Variants in SLC25A48 observed in about 807,000 individuals in gnomAD.
SLC25A48 encodes the protein CTC-321K16.1.
A neutral mutation model predicts 32.2 loss-of-function variants in SLC25A48; 29 were observed. That is an observed-to-expected ratio of 0.90 (90% CI 0.67 to 1.23). The LOEUF (loss-of-function observed/expected upper bound fraction) is 1.23, where lower values mean the gene tolerates loss of function less well. Ranked by LOEUF, SLC25A48 falls within the 50% of genes most tolerant of loss-of-function variation. The pLI, the probability that SLC25A48 is intolerant of heterozygous loss-of-function variation, is 0.00. For synonymous variants in SLC25A48, 164 were observed against 172.3 expected, an observed-to-expected ratio of 0.95 and a Z score of 0.38; for missense variants, 399 against 422.7, an observed-to-expected ratio of 0.94 and a Z score of 0.49.
intron 1 of SLC25A48, among the ~76,000 whole-genome samples, chr5:135,604,936 G>A (rs1362290938): frequency 1.3e-5 from 2 of 152,172 alleles, no homozygotes; most frequent in East Asian, 1.9e-4. Context: ...CATCTCATAG[G>A]CCTGTGGGGA....
chr5:135,734,708 T>C (rs1354182306), intron 3 of SLC25A48, among the ~76,000 whole-genome samples: 1 of 151,334 alleles, frequency 6.6e-6, no homozygotes, highest in East Asian at 1.9e-4. Flanking sequence ...TCCCAGCTAC[T>C]CAGGAGGCTG....
intron 5 of SLC25A48, chr5:135,872,155 G>A (rs1489249739): frequency 2.2e-5 from 8 of 362,292 alleles, no homozygotes; most frequent in Non-Finnish European, 3.3e-5. Flanking sequence ...TACAGCTGGA[G>A]CTGACAGTAT....
chr5:135,715,382 A>G (rs1754771307), intron 3 of SLC25A48, among the ~76,000 whole-genome samples: 1 of 152,190 alleles, frequency 6.6e-6, no homozygotes, highest in Non-Finnish European at 1.5e-5. Flanking sequence ...CCCCAGTCCT[A>G]GTCAGGGTGG....
chr5:135,619,494 A>T (rs1055443665), intron 1 of SLC25A48, among the ~76,000 whole-genome samples: 1 of 151,908 alleles, frequency 6.6e-6, no homozygotes, highest in African/African-American at 2.4e-5. Context: ...TTTCTTTTTG[A>T]TTGGAATCTG....
intron 1 of SLC25A48, among the ~76,000 whole-genome samples, chr5:135,589,394 C>T (rs1052015742): frequency 6.6e-6 from 1 of 152,216 alleles, no homozygotes; most frequent in Non-Finnish European, 1.5e-5. Flanking sequence ...CACAGTCTGC[C>T]TGGTCCCTGA....
Position 135,728,988 on chromosome 5 carries a change from GTTCAGAGCTCTGTGTCC to G in SLC25A48, c.-520-83533_-520-83517del, listed in dbSNP as rs1271235643. Among the ~76,000 whole-genome samples, 4 of 151,964 alleles carry G rather than the reference GTTCAGAGCTCTGTGTCC, an allele frequency of 2.6e-5. No individual in the cohort carries two copies. In the East Asian group the frequency reaches 7.7e-4, roughly 29 times the overall value. On this transcript the variant is annotated intron_variant, in intron 3 of 10. Coordinates refer to the SLC25A48 transcript ENST00000646290. ...CATCTTCTTTGAGGCTCTTCCTGTA[GTTCAGAGCTCTGTGTCC>G]TACTGCTAACCCCAGATGCAAAACA...
intron 1 of SLC25A48, among the ~76,000 whole-genome samples, chr5:135,839,381 A>C (rs187114650): frequency 2.8e-4 from 43 of 152,248 alleles, no homozygotes; most frequent in African/African-American, 1.0e-3. Context: ...TGGATTTCAG[A>C]CTTGCATGGA....
At chr5:135,664,566 GT>G in intron 3 of SLC25A48, among the ~76,000 whole-genome samples, 1 of 152,144 alleles carries the variant, frequency 6.6e-6, no homozygotes, top group Non-Finnish European at 1.5e-5. Context: ...CCAATATACA[GT>G]TTTTTATTCC....
intron 3 of SLC25A48, among the ~76,000 whole-genome samples, chr5:135,739,815 A>G (rs1172533340): frequency 6.6e-6 from 1 of 152,110 alleles, no homozygotes; most frequent in Non-Finnish European, 1.5e-5. Flanking sequence ...ATAAAGAAAA[A>G]CAGCTGATCT....
chr5:135,647,727 C>G (rs1229307617), intron 3 of SLC25A48, among the ~76,000 whole-genome samples: 1 of 152,186 alleles, frequency 6.6e-6, no homozygotes, highest in Admixed American at 6.5e-5. Flanking sequence ...GGCTCTTAAG[C>G]CAGCCTTTGG....
chr5:135,883,713 G>T (rs934778899), intron 7 of SLC25A48, among the ~76,000 whole-genome samples: 17 of 152,328 alleles, frequency 1.1e-4, no homozygotes, highest in African/African-American at 4.1e-4. Flanking sequence ...CCTGAGCAGT[G>T]GCACACGTTG....
chr5:135,651,373 A>T (rs1753107681), intron 3 of SLC25A48, among the ~76,000 whole-genome samples: 1 of 151,518 alleles, frequency 6.6e-6, no homozygotes. Flanking sequence ...TTCCCCCAGG[A>T]CTCCCTCAGG....
At chr5:135,877,514 T>C (rs1279332474) in intron 6 of SLC25A48, among the ~76,000 whole-genome samples, 2 of 152,182 alleles carry the variant, frequency 1.3e-5, no homozygotes, top group Non-Finnish European at 2.9e-5. Context: ...CGCTCTTCCT[T>C]TGTCACGTCC....
At chr5:135,701,832 CT>C (rs2126966891) in intron 3 of SLC25A48, among the ~76,000 whole-genome samples, 1 of 152,362 alleles carries the variant, frequency 6.6e-6, no homozygotes, top group South Asian at 2.1e-4. Flanking sequence ...TGTCTTGCCC[CT>C]GCCAACCTGT....
Position 135,769,758 on chromosome 5 carries a change from T to G in SLC25A48, c.-520-42765T>G, listed in dbSNP as rs542416575. Among the ~76,000 whole-genome samples, 287 of 151,450 alleles carry G rather than the reference T, an allele frequency of 1.9e-3. 3 individuals carry two copies. The highest frequency in any genetic ancestry group is 2.4e-4 in the Non-Finnish European group (16 of 67,754). On this transcript the variant is annotated intron_variant, in intron 3 of 10. Transcript: ENST00000646290. ...CCAATATCGCAGGACGTGTACACCCTCCTGTGATACTTTTTGTTAGATCCA... is the reference window on the plus strand; with the variant it reads ...CCAATATCGCAGGACGTGTACACCCGCCTGTGATACTTTTTGTTAGATCCA...
intron 3 of SLC25A48, among the ~76,000 whole-genome samples, chr5:135,677,659 T>A (rs1361451070): frequency 6.6e-6 from 1 of 152,184 alleles, no homozygotes; most frequent in African/African-American, 2.4e-5. Flanking sequence ...ATGTCACCCT[T>A]CACTTCCAGG....
At chr5:135,590,542 T>A (rs545618800) in intron 1 of SLC25A48, among the ~76,000 whole-genome samples, 18 of 152,304 alleles carry the variant, frequency 1.2e-4, no homozygotes, top group Non-Finnish European at 2.4e-4. Flanking sequence ...TTTTTTTCCT[T>A]TTTTAAAATG....
At chr5:135,819,193 TA>T (rs1757816724) in intron 4 of SLC25A48, among the ~76,000 whole-genome samples, 1 of 151,814 alleles carries the variant, frequency 6.6e-6, no homozygotes, top group Non-Finnish European at 1.5e-5. Context: ...TAAAGCTTCC[TA>T]AATGTGGTGA....
At chr5:135,584,520 G>A (rs1751317646) in intron 1 of SLC25A48, among the ~76,000 whole-genome samples, 1 of 152,224 alleles carries the variant, frequency 6.6e-6, no homozygotes, top group Non-Finnish European at 1.5e-5. Flanking sequence ...GTAAAGTGAG[G>A]AAGCATCACT....
Sources: allele counts gnomAD v4.1 joint callset (sites outside exome capture counted in the v4.1 genomes callset), GRCh38; gene constraint gnomAD v4.1.1; transcripts MANE v1.5; gene names NCBI Gene and HGNC (gene_info 2026-07-23, HGNC 2026-07-21).